ZBTB20: variants seen among roughly 807,000 people sequenced by gnomAD.
ZBTB20 encodes the protein zinc finger and BTB domain containing 20, also known as zinc finger and BTB domain-containing protein 20.
Under a neutral mutation model 56.9 loss-of-function variants are expected in ZBTB20, and 9 were observed. The observed-to-expected ratio is 0.16, with a 90% confidence interval of 0.10 to 0.28. The LOEUF (loss-of-function observed/expected upper bound fraction) is 0.28, where lower values mean the gene tolerates loss of function less well. ZBTB20 is among the 10% of genes least tolerant of loss of function. The probability of loss-of-function intolerance (pLI) is 1.00; values close to 1 mark genes in which losing one functional copy is unlikely to be tolerated. For missense variants in ZBTB20, 655 were observed against 1,003.0 expected (o/e 0.65, Z 4.69); for synonymous variants, 417 against 420.7 (o/e 0.99, Z 0.11).
At chr3:114,821,048 C>T (rs768383337) in intron 4 of ZBTB20, among the ~76,000 whole-genome samples, 1 of 152,138 alleles carries the variant, frequency 6.6e-6, no homozygotes, top group Non-Finnish European at 1.5e-5. Flanking sequence ...TTTCACATTT[C>T]TTTTCCATGG....
chr3:114,810,568 G>A (rs753082283), intron 4 of ZBTB20, among the ~76,000 whole-genome samples: 1 of 152,088 alleles, frequency 6.6e-6, no homozygotes, highest in East Asian at 1.9e-4. Context: ...AAGCACTCCC[G>A]GCTAAAACAC....
intron 2 of ZBTB20, among the ~76,000 whole-genome samples, chr3:115,033,752 G>A (rs928245929): frequency 4.0e-5 from 6 of 151,610 alleles, no homozygotes; most frequent in Non-Finnish European, 5.9e-5. Context: ...TTGATTACAT[G>A]AGGCCTGTAT....
intron 6 of ZBTB20, among the ~76,000 whole-genome samples, chr3:114,633,240 T>C (rs1319850959): frequency 6.6e-6 from 1 of 152,206 alleles, no homozygotes; most frequent in Non-Finnish European, 1.5e-5. Flanking sequence ...GCAGGTTTCA[T>C]TGTGGGCTGC....
At chr3:114,778,289 C>A (rs199590021) in intron 5 of ZBTB20, among the ~76,000 whole-genome samples, 17 of 142,576 alleles carry the variant, frequency 1.2e-4, no homozygotes, top group Admixed American at 7.0e-4. Context: ...AATACACATT[C>A]AAAAAAAAAA....
At position 114,327,717 on chromosome 3, in the gene ZBTB20, T is replaced by C. The variant is rs947672429; in HGVS notation, c.*11288A>G. 6.6e-6 allele frequency: 1 copy of C among 152,188 alleles called. No individual in the cohort carries two copies. The highest frequency in any genetic ancestry group is 1.5e-5 in the Non-Finnish European group (1 of 68,014). The allele number at this position is 152,188 out of a possible 1,614,324, so 9.4% of individuals were successfully genotyped here. On this transcript the variant is annotated 3_prime_UTR_variant, in exon 12 of 12. Transcript: ENST00000675478. ...GTCAAATAAAAATACATTTCTGATA[T>C]TAAATGTTGATTCTTTTTGTCAAAG... is the stretch of plus-strand genomic sequence containing the variant.
intron 5 of ZBTB20, among the ~76,000 whole-genome samples, chr3:114,706,906 T>C (rs576047912): frequency 6.6e-6 from 1 of 151,960 alleles, no homozygotes; most frequent in Admixed American, 6.6e-5. Flanking sequence ...ATACAGTATT[T>C]TAAGTAAGAG....
intron 1 of ZBTB20, among the ~76,000 whole-genome samples, chr3:115,094,878 T>C (rs1328756191): frequency 6.6e-6 from 1 of 152,128 alleles, no homozygotes. Flanking sequence ...ATAAGATTCG[T>C]AATTATTACC....
intron 5 of ZBTB20, among the ~76,000 whole-genome samples, chr3:114,748,483 C>T (rs1334496016): frequency 6.6e-6 from 1 of 150,688 alleles, no homozygotes; most frequent in Non-Finnish European, 1.5e-5. Context: ...TCACGAGATC[C>T]TTTTAGAGGT....
intron 2 of ZBTB20, among the ~76,000 whole-genome samples, chr3:115,013,410 A>G (rs181516151): frequency 1.1e-4 from 17 of 151,814 alleles, no homozygotes; most frequent in Admixed American, 9.9e-4. Flanking sequence ...ATAGCTATAT[A>G]GAAAGAAATA....
At chr3:114,902,590 A>T (rs1278148366) in intron 3 of ZBTB20, among the ~76,000 whole-genome samples, 1 of 152,210 alleles carries the variant, frequency 6.6e-6, no homozygotes, top group African/African-American at 2.4e-5. Context: ...AGTATCACTT[A>T]TTAATGCACT....
At chr3:114,642,813 G>T (rs886821990) in intron 6 of ZBTB20, among the ~76,000 whole-genome samples, 3 of 152,038 alleles carry the variant, frequency 2.0e-5, no homozygotes, top group Non-Finnish European at 4.4e-5. Context: ...GAAAAAAAGT[G>T]AATATGGCCC....
At chr3:114,510,088 T>C (rs987059293) in intron 6 of ZBTB20, among the ~76,000 whole-genome samples, 1 of 152,140 alleles carries the variant, frequency 6.6e-6, no homozygotes, top group Admixed American at 6.6e-5. Context: ...ACCCATACTT[T>C]GGGGAAGAAA....
At chr3:114,854,860 A>C (rs1302672443) in intron 4 of ZBTB20, among the ~76,000 whole-genome samples, 2 of 152,154 alleles carry the variant, frequency 1.3e-5, no homozygotes, top group Non-Finnish European at 2.9e-5. Flanking sequence ...GAATCATTTC[A>C]CTTTTTTTCT....
At chr3:114,415,525 C>T (rs953640217) in intron 7 of ZBTB20, among the ~76,000 whole-genome samples, 1 of 152,018 alleles carries the variant, frequency 6.6e-6, no homozygotes, top group African/African-American at 2.4e-5. Context: ...GTTTGGCTGG[C>T]TTACTCGGTT....
intron 6 of ZBTB20, among the ~76,000 whole-genome samples, chr3:114,607,608 C>T (rs1483111148): frequency 6.6e-6 from 1 of 152,068 alleles, no homozygotes; most frequent in Admixed American, 6.6e-5. Context: ...CAGCCTCATT[C>T]TCTTACTCTT....
intron 5 of ZBTB20, among the ~76,000 whole-genome samples, chr3:114,785,092 C>T (rs971297025): frequency 1.3e-5 from 2 of 152,042 alleles, no homozygotes; most frequent in African/African-American, 4.8e-5. Flanking sequence ...ATAGTCTGAC[C>T]CCAAAAGACA....
intron 8 of ZBTB20, among the ~76,000 whole-genome samples, chr3:114,386,771 G>T (rs1306663379): frequency 6.6e-6 from 1 of 152,028 alleles, no homozygotes; most frequent in African/African-American, 2.4e-5. Flanking sequence ...TTTTTTTGGG[G>T]GTAGAATGGG....
chr3:115,091,134 A>T (rs188430344), intron 1 of ZBTB20, among the ~76,000 whole-genome samples: 27 of 152,078 alleles, frequency 1.8e-4, no homozygotes, highest in East Asian at 1.2e-3. Context: ...AAAAACAAAT[A>T]AAAAAATGGA....
At chr3:115,146,519 T>C (rs1449856045) in intron 1 of ZBTB20, among the ~76,000 whole-genome samples, 1 of 152,218 alleles carries the variant, frequency 6.6e-6, no homozygotes, top group Non-Finnish European at 1.5e-5. Context: ...GTTTTAATGT[T>C]TCCGAAGTGG....
Sources: gnomAD v4.1 joint callset for allele counts (sites outside exome capture counted in the v4.1 genomes callset) on GRCh38, gnomAD v4.1.1 for gene constraint, MANE v1.5 for transcripts, NCBI Gene and HGNC (gene_info 2026-07-23, HGNC 2026-07-21) for gene names.